The following TMEM132B variants were observed in gnomAD, a reference collection of about 807,000 sequenced individuals.
The protein encoded by TMEM132B is transmembrane protein 132B.
A neutral mutation model predicts 90.8 loss-of-function variants in TMEM132B; 18 were observed. That is an observed-to-expected ratio of 0.20 (90% confidence interval 0.14 to 0.29). The LOEUF is 0.29. TMEM132B is among the 10% of genes least tolerant of loss of function. The pLI, the probability that TMEM132B is intolerant of heterozygous loss-of-function variation, is 1.00. For synonymous variants in TMEM132B, 504 were observed against 523.3 expected (o/e 0.96, Z 0.50); for missense variants, 1,096 against 1,326.8 (o/e 0.83, Z 2.70).
intron 5 of TMEM132B, among the ~76,000 whole-genome samples, chr12:125,632,110 A>T (rs1028320569): frequency 6.6e-6 from 1 of 151,830 alleles, no homozygotes; most frequent in African/African-American, 2.4e-5. Context: ...TTTTGGTGAT[A>T]CAATTTACTT....
At chr12:125,430,567 A>G (rs1477156435) in intron 3 of TMEM132B, among the ~76,000 whole-genome samples, 1 of 152,194 alleles carries the variant, frequency 6.6e-6, no homozygotes, top group African/African-American at 2.4e-5. Flanking sequence ...CTGGGTTGGT[A>G]GGTTGATGGC....
intron 1 of TMEM132B, among the ~76,000 whole-genome samples, chr12:125,288,799 A>G (rs970362880): frequency 1.4e-4 from 22 of 152,166 alleles, no homozygotes; most frequent in African/African-American, 5.3e-4. Flanking sequence ...ATATTGCCAG[A>G]TGTCCCCCTG....
chr12:125,216,801 C>T (rs1368084039), intron 1 of TMEM132B, among the ~76,000 whole-genome samples: 1 of 152,216 alleles, frequency 6.6e-6, no homozygotes, highest in African/African-American at 2.4e-5. Flanking sequence ...CTGCCAGAGA[C>T]TCCACAGATG....
At chr12:125,302,239 C>A (rs1875847868) in intron 1 of TMEM132B, among the ~76,000 whole-genome samples, 1 of 151,882 alleles carries the variant, frequency 6.6e-6, no homozygotes, top group Admixed American at 6.6e-5. Flanking sequence ...GTGGTGCTCT[C>A]CTGTGGTCCC....
chr12:125,260,541 G>T (rs1449931094), intron 1 of TMEM132B, among the ~76,000 whole-genome samples: 2 of 150,630 alleles, frequency 1.3e-5, no homozygotes, highest in Middle Eastern at 6.8e-3. Context: ...TAGAAACAAG[G>T]TCTTGTTATG....
At chr12:125,424,221 T>A (rs1880251800) in intron 3 of TMEM132B, among the ~76,000 whole-genome samples, 1 of 152,218 alleles carries the variant, frequency 6.6e-6, no homozygotes, top group African/African-American at 2.4e-5. Context: ...CTGTCAAATA[T>A]CTTTGTAGAT....
At chr12:125,332,703 G>A (rs148328868) in intron 1 of TMEM132B, among the ~76,000 whole-genome samples, 35 of 148,442 alleles carry the variant, frequency 2.4e-4, no homozygotes, top group Middle Eastern at 3.5e-3. Flanking sequence ...TGTTGAAGGC[G>A]TCTGAGGTCA....
At chr12:125,631,593 G>A (rs191345849) in intron 5 of TMEM132B, among the ~76,000 whole-genome samples, 27 of 152,248 alleles carry the variant, frequency 1.8e-4, no homozygotes, top group Admixed American at 1.4e-3. Flanking sequence ...GGATGTTGAA[G>A]TGTCCAGCTA....
chr12:125,533,857 CT>C (rs1566065844), intron 4 of TMEM132B, among the ~76,000 whole-genome samples: 2 of 152,252 alleles, frequency 1.3e-5, no homozygotes, highest in Non-Finnish European at 2.9e-5. Flanking sequence ...CAGCCAAAAT[CT>C]TAATAGGCTT....
intron 5 of TMEM132B, among the ~76,000 whole-genome samples, chr12:125,592,787 G>A (rs772421614): frequency 2.6e-5 from 4 of 152,184 alleles, no homozygotes; most frequent in Admixed American, 6.5e-5. Context: ...TTAGAGAGGC[G>A]CACCTGAGCT....
intron 4 of TMEM132B, among the ~76,000 whole-genome samples, chr12:125,557,419 G>A (rs918262106): frequency 4.6e-5 from 7 of 152,290 alleles, no homozygotes; most frequent in Middle Eastern, 3.4e-3. Flanking sequence ...GGTTCTGATA[G>A]CATGGAAAGG....
chr12:125,435,490 C>T (rs1424520615), intron 3 of TMEM132B, among the ~76,000 whole-genome samples: 1 of 152,152 alleles, frequency 6.6e-6, no homozygotes, highest in Admixed American at 6.5e-5. Context: ...ACATACCAGC[C>T]CCAGCATCCA....
chr12:125,336,292 G>A (rs1266152569), intron 1 of TMEM132B, among the ~76,000 whole-genome samples: 2 of 152,118 alleles, frequency 1.3e-5, no homozygotes, highest in African/African-American at 4.8e-5. Flanking sequence ...GATGTATTTG[G>A]GACTTATCCA....
intron 3 of TMEM132B, among the ~76,000 whole-genome samples, chr12:125,437,062 T>C (rs1880728722): frequency 6.6e-6 from 1 of 152,146 alleles, no homozygotes; most frequent in Non-Finnish European, 1.5e-5. Flanking sequence ...GCTGATAGGA[T>C]TTGGCTATGA....
At position 125,444,886 on chromosome 12, in the gene TMEM132B, A is replaced by G. The variant is rs181358570; in HGVS notation, c.1106+29209A>G. Among the ~76,000 whole-genome samples the G allele has an allele frequency of 3.3e-3, 502 of 152,316 alleles. 2 individuals carry two copies. The highest frequency in any genetic ancestry group is 4.3e-3 in the Non-Finnish European group (292 of 68,012). On this transcript the variant is annotated intron_variant, in intron 3 of 8. Coordinates refer to ENST00000682704, the MANE Select transcript of TMEM132B (RefSeq NM_001366854.1). ...CTCCAGAAGAAATTCTACTTGTAGA[A>G]TGCAGCCTTAGCTGCTGCCCGAGAA...
At chr12:125,590,815 T>G (rs1053205419) in intron 5 of TMEM132B, among the ~76,000 whole-genome samples, 4 of 152,182 alleles carry the variant, frequency 2.6e-5, no homozygotes, top group African/African-American at 9.7e-5. Context: ...ACAACAAGCT[T>G]TTAAGACAGG....
At chr12:125,404,752 T>C (rs1044891661) in intron 2 of TMEM132B, among the ~76,000 whole-genome samples, 1 of 152,202 alleles carries the variant, frequency 6.6e-6, no homozygotes, top group Admixed American at 6.5e-5. Context: ...GGAGTCTTGC[T>C]CCTAATCCTT....
chr12:125,375,052 A>G (rs1349443031), intron 2 of TMEM132B, among the ~76,000 whole-genome samples: 1 of 152,224 alleles, frequency 6.6e-6, no homozygotes, highest in East Asian at 1.9e-4. Flanking sequence ...TTTATTTGCC[A>G]TCTGTATGTA....
chr12:125,201,952 T>C (rs73410482), intron 1 of TMEM132B, among the ~76,000 whole-genome samples: 3,418 of 152,338 alleles, frequency 0.022, 126 homozygotes, highest in African/African-American at 0.077. Flanking sequence ...TGATAGAGCT[T>C]GTCTGCTTCC....
Sources: allele counts gnomAD v4.1 joint callset (sites outside exome capture counted in the v4.1 genomes callset), GRCh38; gene constraint gnomAD v4.1.1; transcripts MANE v1.5; gene names NCBI Gene and HGNC (gene_info 2026-07-23, HGNC 2026-07-21).